TEX101: variants seen among roughly 807,000 people sequenced by gnomAD.
TEX101 encodes testis-expressed protein 101.
TEX101 carries 10 observed loss-of-function variants against 18.1 expected under a neutral mutation model. The ratio of observed to expected loss-of-function variants is 0.55; its 90% confidence interval spans 0.34 to 0.94. The LOEUF (loss-of-function observed/expected upper bound fraction) is 0.94, where lower values mean the gene tolerates loss of function less well. Ranked by LOEUF, TEX101 falls within the 40% of genes least tolerant of loss-of-function variation. TEX101 has a pLI of 0.02. For synonymous variants in TEX101, 94 were observed against 114.8 expected (o/e 0.82, Z 1.16); for missense variants, 259 against 298.9 (o/e 0.87, Z 0.98).
intron 3 of TEX101, among the ~76,000 whole-genome samples, chr19:43,406,931 G>GTTTTTT (rs1002990799): frequency 2.6e-5 from 3 of 116,116 alleles, no homozygotes; most frequent in Non-Finnish European, 3.5e-5. Flanking sequence ...TTTGTTTTTT[G>GTTTTTT]TTTTTTTTTT....
chr19:43,411,556 C>CTT (rs1158316746), upstream of TEX101, among the ~76,000 whole-genome samples: 2 of 152,184 alleles, frequency 1.3e-5, no homozygotes, highest in African/African-American at 2.4e-5. Flanking sequence ...AGCCATTGAG[C>CTT]TTTTTTCTTT....
upstream of TEX101, among the ~76,000 whole-genome samples, chr19:43,399,802 ATTTTTTT>A (rs71169230): frequency 2.6e-5 from 3 of 113,268 alleles, no homozygotes; most frequent in African/African-American, 6.7e-5. Context: ...CCTATGTCCT[ATTTTTTT>A]TTTTTTTTTT....
chr19:43,413,665 T>G (rs1156425847), upstream of TEX101, among the ~76,000 whole-genome samples: 1 of 151,712 alleles, frequency 6.6e-6, no homozygotes, highest in Non-Finnish European at 1.5e-5. Context: ...CTGGAAAGCT[T>G]ACATAGGCCA....
At chr19:43,412,402 T>C (rs10407046), upstream of TEX101, among the ~76,000 whole-genome samples, 44,691 of 151,996 alleles carry the variant, frequency 0.29, 6,956 homozygotes, top group East Asian at 0.59. Context: ...CCAGGTCGCA[T>C]CTCCAACACT....
upstream of TEX101, among the ~76,000 whole-genome samples, chr19:43,397,164 G>C (rs1330709589): frequency 6.6e-6 from 1 of 152,098 alleles, no homozygotes; most frequent in African/African-American, 2.4e-5. Flanking sequence ...ATGAAGCTGG[G>C]TGATTGTGAC....
upstream of TEX101, among the ~76,000 whole-genome samples, chr19:43,398,566 A>T (rs149999752): frequency 2.0e-5 from 3 of 152,084 alleles, no homozygotes; most frequent in East Asian, 5.8e-4. Flanking sequence ...AGCCCCATGT[A>T]TATTTTTAAA....
chr19:43,388,996 C>G, the TEX101 span, among the ~76,000 whole-genome samples: 1 of 152,094 alleles, frequency 6.6e-6, no homozygotes, highest in Non-Finnish European at 1.5e-5. Flanking sequence ...TTCATCTGAT[C>G]TCCCACCCTC....
chr19:43,403,033 A>G (rs2122319301), intron 2 of TEX101, among the ~76,000 whole-genome samples: 2 of 152,350 alleles, frequency 1.3e-5, no homozygotes, highest in East Asian at 3.9e-4. Context: ...ATCTGGACAG[A>G]TGCAAAACAG....
chr19:43,394,887 A>G, the TEX101 span, among the ~76,000 whole-genome samples: 2 of 152,216 alleles, frequency 1.3e-5, no homozygotes, highest in South Asian at 2.1e-4. Context: ...ATGGCTTTTC[A>G]GGGAGGAAAA....
At chr19:43,389,967 G>A in the TEX101 span, among the ~76,000 whole-genome samples, 1 of 152,088 alleles carries the variant, frequency 6.6e-6, no homozygotes, top group Non-Finnish European at 1.5e-5. Context: ...TCTTCTCTGT[G>A]GCAGAGATGA....
chr19:43,391,932 C>A, the TEX101 span, among the ~76,000 whole-genome samples: 3 of 152,174 alleles, frequency 2.0e-5, no homozygotes, highest in Non-Finnish European at 2.9e-5. Flanking sequence ...GCAGCACCCC[C>A]AGTCTGGACA....
At chr19:43,391,406 CTTTTTT>C in the TEX101 span, among the ~76,000 whole-genome samples, 13 of 95,906 alleles carry the variant, frequency 1.4e-4, no homozygotes, top group African/African-American at 4.7e-4. Flanking sequence ...TTCTGTTTTT[CTTTTTT>C]TTTTTTTTTT....
At chr19:43,406,395 G>T in exon 3 of TEX101, 1 of 714,734 alleles carries the variant, frequency 1.4e-6, no homozygotes. Context: ...CAAGGGACAG[G>T]CTTGGCGGAA....
the TEX101 span, among the ~76,000 whole-genome samples, chr19:43,390,826 G>C: frequency 6.6e-5 from 10 of 151,602 alleles, no homozygotes; most frequent in Admixed American, 2.6e-4. Flanking sequence ...GTTGTTCAAC[G>C]ACCACCACTG....
upstream of TEX101, chr19:43,414,884 C>A (rs1042843713): frequency 1.4e-5 from 14 of 985,354 alleles, no homozygotes; most frequent in Non-Finnish European, 1.7e-5. Context: ...CCCGGCCTTG[C>A]GTCGTAAGAG....
chr19:43,413,286 G>A (rs1970435492), upstream of TEX101, among the ~76,000 whole-genome samples: 1 of 151,880 alleles, frequency 6.6e-6, no homozygotes, highest in Non-Finnish European at 1.5e-5. Flanking sequence ...CGGATCACGA[G>A]GTCAGGAGAT....
intron 3 of TEX101, among the ~76,000 whole-genome samples, chr19:43,409,179 G>A (rs375764466): frequency 4.6e-5 from 7 of 152,308 alleles, no homozygotes; most frequent in African/African-American, 9.6e-5. Context: ...AACATCTACC[G>A]CAGAAGAAAG....
the TEX101 span, among the ~76,000 whole-genome samples, chr19:43,395,251 G>A: frequency 6.6e-6 from 1 of 152,154 alleles, no homozygotes; most frequent in African/African-American, 2.4e-5. Context: ...CTTCAGAAAA[G>A]GAAATTTATG....
chr19:43,410,015 C>T (rs536152933), upstream of TEX101, among the ~76,000 whole-genome samples: 2 of 151,818 alleles, frequency 1.3e-5, no homozygotes, highest in East Asian at 1.9e-4. Flanking sequence ...CCAGCCTGGA[C>T]AAGATTGAGA....
Sources: allele counts gnomAD v4.1 joint callset (sites outside exome capture counted in the v4.1 genomes callset), GRCh38; gene constraint gnomAD v4.1.1; transcripts MANE v1.5; gene names NCBI Gene and HGNC (gene_info 2026-07-23, HGNC 2026-07-21).